The following PRUNE1 variants were observed in gnomAD, a reference collection of about 807,000 sequenced individuals.
The protein encoded by PRUNE1 is prune exopolyphosphatase 1, also known as exopolyphosphatase PRUNE1.
PRUNE1 carries 25 observed loss-of-function variants against 42.5 expected under a neutral mutation model. The ratio of observed to expected loss-of-function variants is 0.59; its 90% CI spans 0.43 to 0.82. The LOEUF is 0.82. Among genes scored for constraint, PRUNE1 ranks in the 40% least tolerant of loss-of-function variants. The probability of loss-of-function intolerance (pLI) is 0.00; values close to 1 mark genes in which losing one functional copy is unlikely to be tolerated. For synonymous variants in PRUNE1, 203 were observed against 217.1 expected (o/e 0.93, Z 0.57); for missense variants, 443 against 539.3 (o/e 0.82, Z 1.77).
In PRUNE1 at chr1:151,034,505, A is replaced by G; in HGVS notation, c.*271A>G. 2.3e-6 allele frequency: 1 copy of G among 429,022 alleles called. No individual in the cohort carries two copies. The highest frequency in any genetic ancestry group is 4.3e-6 in the Non-Finnish European group (1 of 232,970). The allele number at this position is 429,022 out of a possible 1,614,324, so 26.6% of individuals were successfully genotyped here. ...TTATTTGCCAGGGGCACGATGTGAC[A>G]TATCTGCAGTCCCAGCACAGTGGGA... On this transcript the variant is annotated 3_prime_UTR_variant, in exon 8 of 8. Transcript: ENST00000271620.
Position 151,018,808 on chromosome 1 carries a change from C to T in PRUNE1, c.335+139C>T, listed in dbSNP as rs12065257. 151 of 743,454 alleles carry T rather than the reference C, an allele frequency of 2.0e-4. 1 individual carries two copies. The Middle Eastern group carries it at 2.8e-3, about 14-fold the overall frequency. 46.1% of individuals were successfully genotyped at this position (743,454 alleles called of 1,614,324 possible). A position where few individuals can be genotyped will look rare whatever the true frequency, so the allele number is the denominator to read the frequency against. ...CTGTAATCCCAGCACTTTGGGAGGC[C>T]AAGGCGGGCGGATCACCTGAGATCA... On this transcript the variant is annotated intron_variant, in intron 3 of 7. Coordinates refer to ENST00000271620, the MANE Select transcript of PRUNE1 (RefSeq NM_021222.3).
intron 7 of PRUNE1, among the ~76,000 whole-genome samples, chr1:151,032,561 A>C (rs1675300395): frequency 6.6e-6 from 1 of 151,876 alleles, no homozygotes; most frequent in African/African-American, 2.4e-5. Context: ...TAAAAATACA[A>C]ACATTAGCCA....
chr1:151,029,025 A>G (rs1675061632), intron 7 of PRUNE1, 81 bp downstream of exon 7: 2 of 1,405,058 alleles, frequency 1.4e-6, no homozygotes, highest in South Asian at 1.3e-5. Context: ...GCTGTCCTAT[A>G]AGGACCTCTC....
intron 3 of PRUNE1, 79 bp downstream of exon 3, chr1:151,018,748 AAG>A: frequency 7.3e-7 from 1 of 1,374,190 alleles, no homozygotes; most frequent in Non-Finnish European, 1.0e-6. Flanking sequence ...GAGAGGAAGA[AAG>A]AGTTTTTGCT....
At position 151,024,751 on chromosome 1, in the gene PRUNE1, G is replaced by A. The variant is rs371849879; in HGVS notation, c.476G>A (p.Gly159Glu). 32 of 1,613,908 alleles carry A rather than the reference G, an allele frequency of 2.0e-5. No individual in the cohort carries two copies. In the South Asian group the frequency reaches 2.2e-4, roughly 11 times the overall value. The change falls in exon 4 of 8, where the codon GGG (glycine) becomes GAG (glutamate). Residue 159 changes from glycine to glutamate, a missense_variant. Physicochemically the swap from Gly to Glu is moderately conservative, Grantham distance 98. Coordinates refer to ENST00000271620, the MANE Select transcript of PRUNE1 (RefSeq NM_021222.3). ...ATLVTERILQGAPEILDRQTA... is the reference protein window; with the variant it reads ...ATLVTERILQEAPEILDRQTA... ...CTGGTGACCGAGAGAATCCTGCAGG[G>A]GGCACCAGAGATCTTGGACAGGCAA...
At chr1:151,029,037 T>TAAGAG in intron 7 of PRUNE1, 93 bp downstream of exon 7, 5 of 1,279,200 alleles carry the variant, frequency 3.9e-6, no homozygotes, top group Non-Finnish European at 5.4e-6. Context: ...GGACCTCTCT[T>TAAGAG]AGGTTCTTAT....
At chr1:151,019,346 C>T (rs1674282307) in intron 3 of PRUNE1, among the ~76,000 whole-genome samples, 1 of 151,996 alleles carries the variant, frequency 6.6e-6, no homozygotes, top group South Asian at 2.1e-4. Context: ...CCATTAAGCT[C>T]CAGGAGTTCA....
intron 1 of PRUNE1, among the ~76,000 whole-genome samples, chr1:151,011,503 C>A (rs1405388522): frequency 6.6e-6 from 1 of 152,112 alleles, no homozygotes; most frequent in Non-Finnish European, 1.5e-5. Flanking sequence ...AGCTGGCTCT[C>A]CTTAGAAATT....
chr1:151,032,883 C>T (rs1675320957), intron 7 of PRUNE1, among the ~76,000 whole-genome samples: 1 of 151,672 alleles, frequency 6.6e-6, no homozygotes, highest in Admixed American at 6.6e-5. Context: ...AAATGATTCT[C>T]CTATCTCAGC....
At chr1:151,016,173 G>A (rs1412137590) in intron 1 of PRUNE1, among the ~76,000 whole-genome samples, 2 of 151,956 alleles carry the variant, frequency 1.3e-5, no homozygotes, top group African/African-American at 4.8e-5. Context: ...GGAGGTGGAG[G>A]TTGCCGTGAG....
chr1:151,010,175 C>G (rs1429969718), intron 1 of PRUNE1, among the ~76,000 whole-genome samples: 1 of 152,078 alleles, frequency 6.6e-6, no homozygotes, highest in Admixed American at 6.5e-5. Context: ...TGATCACCTC[C>G]CCGGCTCAAG....
intron 1 of PRUNE1, among the ~76,000 whole-genome samples, chr1:151,014,997 G>T (rs1196689334): frequency 6.6e-6 from 1 of 152,056 alleles, no homozygotes; most frequent in African/African-American, 2.4e-5. Context: ...TTCGAGATCA[G>T]CATGGGCAAC....
chr1:151,009,115 G>A (rs1430254043), intron 1 of PRUNE1, among the ~76,000 whole-genome samples: 2 of 152,098 alleles, frequency 1.3e-5, no homozygotes, highest in South Asian at 4.2e-4. Flanking sequence ...GTGAACCTCG[G>A]GGGTGTGGAG....
At chr1:151,023,003 G>A (rs1674572165) in intron 3 of PRUNE1, among the ~76,000 whole-genome samples, 1 of 152,094 alleles carries the variant, frequency 6.6e-6, no homozygotes, top group Non-Finnish European at 1.5e-5. Context: ...TAGGGGAAAT[G>A]GAATTTGTTT....
chr1:151,008,580 G>C lies in PRUNE1; in HGVS notation c.-53G>C, dbSNP rs1673491903. 2.5e-6 allele frequency: 4 copies of C among 1,607,152 alleles called. No homozygotes were observed. The highest frequency in any genetic ancestry group is 1.7e-6 in the Non-Finnish European group (2 of 1,173,874). ...GCATTCGTCGGGGAAACCTCTCCTC[G>C]ACCAGGGGCACCTCTACTCGACCAG... On this transcript the variant is annotated 5_prime_UTR_variant, in exon 1 of 8. Coordinates refer to ENST00000271620, the MANE Select transcript of PRUNE1 (RefSeq NM_021222.3).
Position 151,022,108 on chromosome 1 carries a change from A to ATT in PRUNE1, c.336-2485_336-2484dup, listed in dbSNP as rs60255032. 2.4e-3 allele frequency among the ~76,000 whole-genome samples: 296 copies of ATT among 125,798 alleles called. 2 individuals are homozygous for ATT. The South Asian group carries it at 0.024, about 10-fold the overall frequency. The allele number at this position is 125,798 out of a possible 152,430, so 82.5% of individuals were successfully genotyped here. A position where few individuals can be genotyped will look rare whatever the true frequency, so the allele number is the denominator to read the frequency against. Reference sequence around the variant, plus strand: ...TGTGTAAAAGCATCATTCCTGGCTAATTTTTTTTTTTTTTTTTTTGAAACT... The same window carrying ATT: ...TGTGTAAAAGCATCATTCCTGGCTAATTTTTTTTTTTTTTTTTTTTTGAAACT... On this transcript the variant is annotated intron_variant, in intron 3 of 7. Coordinates refer to ENST00000271620, the MANE Select transcript of PRUNE1 (RefSeq NM_021222.3).
At chr1:151,026,176 G>T (rs992308481) in intron 5 of PRUNE1, among the ~76,000 whole-genome samples, 1 of 151,540 alleles carries the variant, frequency 6.6e-6, no homozygotes, top group Admixed American at 6.6e-5. Flanking sequence ...CCTCAGAAGG[G>T]CCAGACGCAG....
Position 151,028,798 on chromosome 1 carries a change from A to C in PRUNE1, c.787A>C (p.Arg263=), listed in dbSNP as rs749506990. The C allele has an allele frequency of 2.5e-6, 4 of 1,613,490 alleles. No homozygotes were observed. The highest frequency in any genetic ancestry group is 1.7e-6 in the Non-Finnish European group (2 of 1,179,796). The change falls in exon 7 of 8, where the codon AGG becomes CGG. Residue 263 remains arginine (R), a synonymous_variant. Coordinates refer to ENST00000271620, the MANE Select transcript of PRUNE1 (RefSeq NM_021222.3). Reference sequence around the variant, plus strand: ...TCTTCCCTTTCAGGCCTTTCTGCAGAGGTCTAACCTCCTTGCAGATCTCCA... The same window carrying C: ...TCTTCCCTTTCAGGCCTTTCTGCAGCGGTCTAACCTCCTTGCAGATCTCCA... ...IYMDLEAFLQ[R]SNLLADLHAF...
At chr1:151,027,370 A>G in intron 6 of PRUNE1, 43 bp downstream of exon 6, 1 of 1,439,218 alleles carries the variant, frequency 6.9e-7, no homozygotes, top group East Asian at 2.3e-5. Flanking sequence ...GAAAGCCTTT[A>G]GCTATGCATG....
Sources: allele counts gnomAD v4.1 joint callset (sites outside exome capture counted in the v4.1 genomes callset), GRCh38; gene constraint gnomAD v4.1.1; transcripts MANE v1.5; gene names NCBI Gene and HGNC (gene_info 2026-07-23, HGNC 2026-07-21).